The following OLFM3 variants were observed in gnomAD, a reference collection of about 807,000 sequenced individuals.
OLFM3 encodes olfactomedin 3, also known as noelin-3.
A neutral mutation model predicts 48.6 loss-of-function variants in OLFM3; 20 were observed. The ratio of observed to expected loss-of-function variants is 0.41; its 90% CI spans 0.29 to 0.60. The LOEUF (loss-of-function observed/expected upper bound fraction) is 0.60. OLFM3 is among the 20% of genes least tolerant of loss of function. The pLI is 0.28. For synonymous variants in OLFM3, 222 were observed against 198.1 expected (o/e 1.12, Z -1.01); for missense variants, 437 against 544.3 (o/e 0.80, Z 1.96).
chr1:101,935,152 TAA>T (rs200977646), intron 1 of OLFM3, among the ~76,000 whole-genome samples: 1 of 149,220 alleles, frequency 6.7e-6, no homozygotes, highest in Non-Finnish European at 1.5e-5. Context: ...ATCTTTTGTA[TAA>T]AAAAAAATAC....
At chr1:101,885,327 T>A (rs960941219) in intron 1 of OLFM3, among the ~76,000 whole-genome samples, 4 of 152,074 alleles carry the variant, frequency 2.6e-5, no homozygotes, top group African/African-American at 7.2e-5. Context: ...AGTATCTGAT[T>A]ATTCAAGAAT....
chr1:101,818,891 C>T (rs1312793509), intron 4 of OLFM3, among the ~76,000 whole-genome samples: 2 of 152,110 alleles, frequency 1.3e-5, no homozygotes. Flanking sequence ...GACCATTCTG[C>T]AGATACTAAT....
intron 1 of OLFM3, among the ~76,000 whole-genome samples, chr1:101,943,346 C>T (rs1050816854): frequency 6.6e-6 from 1 of 152,186 alleles, no homozygotes; most frequent in East Asian, 1.9e-4. Context: ...GCTTGTCCTA[C>T]AGATTTCAAA....
At chr1:101,897,086 C>G (rs1387373042) in intron 1 of OLFM3, among the ~76,000 whole-genome samples, 2 of 152,090 alleles carry the variant, frequency 1.3e-5, no homozygotes, top group Non-Finnish European at 2.9e-5. Flanking sequence ...AAATCCTGAT[C>G]TAGATAATTT....
chr1:101,817,264 C>T (rs1160468931), intron 4 of OLFM3, among the ~76,000 whole-genome samples: 1 of 152,088 alleles, frequency 6.6e-6, no homozygotes, highest in Non-Finnish European at 1.5e-5. Context: ...AGGTGGATGG[C>T]AAAGAAGGAA....
chr1:101,824,993 C>A, intron 4 of OLFM3, 33 bp downstream of exon 4: 1 of 1,566,368 alleles, frequency 6.4e-7, no homozygotes, highest in African/African-American at 1.4e-5. Context: ...TATATAAAAA[C>A]GTAACTTAGA....
At chr1:101,817,023 G>A (rs1168522732) in intron 4 of OLFM3, among the ~76,000 whole-genome samples, 1 of 152,118 alleles carries the variant, frequency 6.6e-6, no homozygotes, top group Non-Finnish European at 1.5e-5. Flanking sequence ...GTGTACCTTA[G>A]TGTTAAGTAA....
At chr1:101,944,042 T>C (rs1234157061) in intron 1 of OLFM3, among the ~76,000 whole-genome samples, 1 of 120,878 alleles carries the variant, frequency 8.3e-6, no homozygotes, top group South Asian at 2.9e-4. Context: ...AGGTTGTATA[T>C]ATTTTTATAT....
In OLFM3 at chr1:101,804,503, T is replaced by C. The variant is rs369954068; in HGVS notation, c.1112A>G (p.Lys371Arg). 1.2e-6 allele frequency: 2 copies of C among 1,612,612 alleles called. No individual in the cohort carries two copies. The highest frequency in any genetic ancestry group is 2.7e-5 in the African/African-American group (2 of 74,762). The change falls in exon 6 of 6, where the codon AAG (lysine) becomes AGG (arginine). Residue 371 changes from lysine (K) to arginine (R), a missense_variant. This residue lies in a region of OLFM3 where 108 missense variants were observed against 135.8 expected (regional missense o/e 0.80). Coordinates refer to ENST00000370103, the MANE Select transcript of OLFM3 (RefSeq NM_058170.4). This position sits in a 1 kb window ranked among gnomAD's most constrained non-coding sequence, Gnocchi z 4.5. Reference sequence around the variant, plus strand: ...CATGAAAGATTCCCCTGCACTTCTCTTGGGGTAGCCAGTGCTCCAGCTCTT... The same window carrying C: ...CATGAAAGATTCCCCTGCACTTCTCCTGGGGTAGCCAGTGCTCCAGCTCTT... The part of the protein sequence containing the change: ...VMKSWSTGYP[K>R]RSAGESFMIC...
intron 1 of OLFM3, among the ~76,000 whole-genome samples, chr1:101,921,668 A>C (rs566639827): frequency 6.6e-6 from 1 of 152,294 alleles, no homozygotes; most frequent in Non-Finnish European, 1.5e-5. Flanking sequence ...TTTACAACAA[A>C]ATTTTTTGAG....
chr1:101,806,125 C>T lies in OLFM3; in HGVS notation c.650G>A (p.Arg217Gln). ...GPVTVKTSGT[R>Q]FGAWMTDPLA... is the part of the protein sequence containing the mutation. ...AGGGTCTGTCATCCAAGCACCAAAT[C>T]GGGTTCCAGATGTCTTGACTGTAAC... Residue 217 changes from arginine (R) to glutamine (Q), a missense_variant, in exon 5 of 6, where the codon CGA (arginine) becomes CAA (glutamine). Physicochemically the swap from Arg to Gln is conservative, Grantham distance 43. Transcript: ENST00000370103. 1 of 1,612,086 alleles carries T rather than the reference C, an allele frequency of 6.2e-7. No individual in the cohort carries two copies.
At chr1:101,950,793 T>C (rs1243050462) in intron 1 of OLFM3, among the ~76,000 whole-genome samples, 1 of 152,152 alleles carries the variant, frequency 6.6e-6, no homozygotes, top group Non-Finnish European at 1.5e-5. Flanking sequence ...GTATCCTCTA[T>C]AAGAACAAGG....
chr1:101,942,690 C>T (rs930840491), intron 1 of OLFM3, among the ~76,000 whole-genome samples: 59 of 152,144 alleles, frequency 3.9e-4, no homozygotes, highest in Admixed American at 1.8e-3. Context: ...ATCTTTGATG[C>T]ATGTGGTATA....
At chr1:101,990,448 A>AAAATATGTTT (rs1159850544) in intron 1 of OLFM3, among the ~76,000 whole-genome samples, 1 of 152,178 alleles carries the variant, frequency 6.6e-6, no homozygotes, top group Non-Finnish European at 1.5e-5. Flanking sequence ...TTTATGGTTT[A>AAAATATGTTT]AAATATGTTT....
chr1:101,959,533 T>C (rs562733880), intron 1 of OLFM3, among the ~76,000 whole-genome samples: 1 of 152,192 alleles, frequency 6.6e-6, no homozygotes, highest in East Asian at 1.9e-4. Context: ...ACAACAACCT[T>C]ATGCAATGGG....
intron 1 of OLFM3, among the ~76,000 whole-genome samples, chr1:101,920,185 T>C (rs1321987204): frequency 1.3e-5 from 2 of 152,198 alleles, no homozygotes; most frequent in African/African-American, 2.4e-5. Context: ...AAATACAATA[T>C]GCAGAGTGAT....
At chr1:101,864,571 A>G (rs962821135) in intron 1 of OLFM3, among the ~76,000 whole-genome samples, 7 of 152,212 alleles carry the variant, frequency 4.6e-5, no homozygotes, top group Middle Eastern at 3.2e-3. Flanking sequence ...ACAAAATTGT[A>G]TAGGTTTGAG....
rs1659765202 is a variant in OLFM3, at chr1:101,940,674, A to C, written c.69+56074T>G. On this transcript the variant is annotated intron_variant, in intron 1 of 5. Transcript: ENST00000370103. Reference sequence around the variant, plus strand: ...CCTTGATATTCCCCAAACTGTAACTACCCAGCTATATATATATATCCAGTT... The same window carrying C: ...CCTTGATATTCCCCAAACTGTAACTCCCCAGCTATATATATATATCCAGTT... 2.0e-5 allele frequency among the ~76,000 whole-genome samples: 3 copies of C among 150,322 alleles called. No homozygotes were observed. The South Asian group carries it at 6.3e-4, about 31-fold the overall frequency.
intron 1 of OLFM3, among the ~76,000 whole-genome samples, chr1:101,965,863 G>T (rs1179873726): frequency 2.0e-5 from 3 of 152,166 alleles, no homozygotes; most frequent in Non-Finnish European, 2.9e-5. Context: ...AGGGAAAGGG[G>T]CTGATCATTG....
Sources: allele counts gnomAD v4.1 joint callset (sites outside exome capture counted in the v4.1 genomes callset), GRCh38; gene constraint gnomAD v4.1.1; regional missense constraint gnomAD v4.1.1; non-coding constraint Gnocchi (gnomAD v3.1); transcripts MANE v1.5; gene names NCBI Gene and HGNC (gene_info 2026-07-23, HGNC 2026-07-21).